Variants in MROH1 observed in about 807,000 individuals in gnomAD.
MROH1 encodes the protein maestro heat like repeat family member 1.
MROH1 carries 117 observed loss-of-function variants against 116.5 expected under a neutral mutation model. The observed-to-expected ratio is 1.00, with a 90% CI of 0.86 to 1.17. MROH1 has a LOEUF of 1.17. Among genes scored for constraint, MROH1 ranks in the 50% most tolerant of loss-of-function variants. The pLI is 0.00. For synonymous variants in MROH1, 921 were observed against 583.9 expected (o/e 1.58, Z -8.32); for missense variants, 1,873 against 1,338.5 (o/e 1.40, Z -6.23).
intron 38 of MROH1, 51 bp downstream of exon 38, chr8:144,260,108 T>C (rs1422217199): frequency 5.4e-6 from 4 of 744,594 alleles, no homozygotes; most frequent in African/African-American, 1.7e-5. Context: ...GGTGGGGGGC[T>C]GTGCATGGAG....
intron 4 of MROH1, among the ~76,000 whole-genome samples, chr8:144,171,023 T>TG (rs1184475306): frequency 6.6e-6 from 1 of 152,170 alleles, no homozygotes; most frequent in South Asian, 2.1e-4. Context: ...TGTGACCAAA[T>TG]GGGGGGGATT....
At chr8:144,229,895 G>T (rs527260746) in intron 14 of MROH1, among the ~76,000 whole-genome samples, 9 of 152,090 alleles carry the variant, frequency 5.9e-5, no homozygotes, top group East Asian at 1.9e-4. Flanking sequence ...TTAGCTAAGC[G>T]TGGTGGACCA....
chr8:144,181,831 C>T (rs913067315), intron 7 of MROH1, among the ~76,000 whole-genome samples: 2 of 152,114 alleles, frequency 1.3e-5, no homozygotes, highest in East Asian at 3.9e-4. Context: ...GCACGCACAT[C>T]GCCCCTTCCC....
chr8:144,231,994 G>A (rs924980341), intron 14 of MROH1, among the ~76,000 whole-genome samples: 10 of 151,940 alleles, frequency 6.6e-5, no homozygotes, highest in Non-Finnish European at 1.2e-4. Context: ...AACTGGGATA[G>A]CCACCACCTT....
Position 144,247,541 on chromosome 8 carries a change from G to A in MROH1, c.3008-26G>A, listed in dbSNP as rs1311268381. Reference sequence around the variant, plus strand: ...GGATCGCCAGGGAGGGCCTGGGCCCGACTGCTCATTCCTGCCGCCTCTCAG... The same window carrying A: ...GGATCGCCAGGGAGGGCCTGGGCCCAACTGCTCATTCCTGCCGCCTCTCAG... On this transcript the variant is annotated intron_variant, in intron 30 of 43. Transcript: ENST00000326134. 2.2e-5 allele frequency: 17 copies of A among 765,450 alleles called. 1 individual carries two copies. The highest frequency in any genetic ancestry group is 6.9e-5 in the South Asian group (5 of 72,136). The allele number at this position is 765,450 out of a possible 1,614,324, so 47.4% of individuals were successfully genotyped here.
At chr8:144,202,822 C>G (rs868822372) in intron 12 of MROH1, among the ~76,000 whole-genome samples, 2 of 420 alleles carry the variant, frequency 4.8e-3, no homozygotes, top group African/African-American at 0.013. Context: ...TGTGGAGGGG[C>G]GGGGGGGGGC....
intron 22 of MROH1, 193 bp from the exon 23 acceptor site, chr8:144,242,176 C>A: frequency 1.5e-6 from 1 of 673,136 alleles, no homozygotes; most frequent in South Asian, 1.7e-5. Context: ...TGCCTGTGCT[C>A]CTGCCCCTTG....
chr8:144,149,082 T>G (rs1816111563), intron 1 of MROH1, among the ~76,000 whole-genome samples: 2 of 151,914 alleles, frequency 1.3e-5, no homozygotes, highest in Non-Finnish European at 2.9e-5. Flanking sequence ...TGGGTCTCAG[T>G]GCGATGACCA....
intron 1 of MROH1, among the ~76,000 whole-genome samples, chr8:144,150,709 C>T (rs1816513907): frequency 6.6e-6 from 1 of 152,172 alleles, no homozygotes; most frequent in Admixed American, 6.5e-5. Context: ...CATGCCTGCT[C>T]ATGGCTTACT....
intron 10 of MROH1, among the ~76,000 whole-genome samples, chr8:144,197,864 A>T (rs1173780053): frequency 6.6e-6 from 1 of 150,412 alleles, no homozygotes; most frequent in East Asian, 2.0e-4. Context: ...ACCTGAGGTC[A>T]GGAGTTAGAG....
intron 10 of MROH1, among the ~76,000 whole-genome samples, chr8:144,196,375 G>T (rs914421014): frequency 6.6e-6 from 1 of 151,172 alleles, no homozygotes; most frequent in Non-Finnish European, 1.5e-5. Context: ...TTATTATTGA[G>T]ACAGAGTCTT....
At position 144,229,380 on chromosome 8, in the gene MROH1, A is replaced by AT. The variant is rs60877043; in HGVS notation, c.1338+6171dup. Among the ~76,000 whole-genome samples, 442 of 108,874 alleles carry AT rather than the reference A, an allele frequency of 4.1e-3. 7 individuals are homozygous for AT. Among genetic ancestry groups the AT allele is most frequent in the African/African-American group, 0.013 (393 of 31,046 alleles). 71.4% of individuals were successfully genotyped at this position (108,874 alleles called of 152,430 possible). The stretch of plus-strand genomic sequence containing the variant: ...CAGCAATCGATTAATTACCTTATGA[A>AT]TTTTTTTTTTTTTTTTTTTTTGGAA... On this transcript the variant is annotated intron_variant, in intron 14 of 43. Transcript: ENST00000326134.
At chr8:144,218,729 C>G (rs1280382052) in intron 12 of MROH1, among the ~76,000 whole-genome samples, 1 of 65,868 alleles carries the variant, frequency 1.5e-5, no homozygotes. Flanking sequence ...CTCCCCTCCC[C>G]TCTTCCCTCC....
intron 31 of MROH1, among the ~76,000 whole-genome samples, 191 bp downstream of exon 31, chr8:144,247,870 C>T (rs2133089298): frequency 6.6e-6 from 1 of 152,382 alleles, no homozygotes; most frequent in South Asian, 2.1e-4. Context: ...CCACACCCGC[C>T]TACGCTGGGG....
intron 14 of MROH1, among the ~76,000 whole-genome samples, chr8:144,224,034 TG>T (rs1837325974): frequency 6.6e-6 from 1 of 152,138 alleles, no homozygotes; most frequent in South Asian, 2.1e-4. Flanking sequence ...CCCCAGCAGG[TG>T]GGCCGCCACC....
intron 32 of MROH1, among the ~76,000 whole-genome samples, chr8:144,249,986 C>T (rs912347164): frequency 2.9e-4 from 44 of 152,234 alleles, no homozygotes; most frequent in African/African-American, 1.0e-3. Context: ...CCTCCCGGGG[C>T]ACTGGCCACT....
chr8:144,154,663 A>AT (rs1817616980), intron 1 of MROH1, among the ~76,000 whole-genome samples: 1 of 145,476 alleles, frequency 6.9e-6, no homozygotes, highest in Non-Finnish European at 1.5e-5. Flanking sequence ...TCAATACTGC[A>AT]TCTTTTTTTT....
chr8:144,248,799 CCT>C lies in MROH1; in HGVS notation c.3121-77_3121-76del, dbSNP rs1394574061. ...GTGGCTTCCCGCCCTAACGCGAGCC[CCT>C]GAGACCCGATGCCTAACAGAAGTGG... is the stretch of plus-strand genomic sequence containing the variant. On this transcript the variant is annotated intron_variant, in intron 31 of 43. Coordinates refer to ENST00000326134, the MANE Select transcript of MROH1 (RefSeq NM_032450.3). 12 of 736,020 alleles carry C rather than the reference CCT, an allele frequency of 1.6e-5. No individual in the cohort carries two copies. In the East Asian group the frequency reaches 2.1e-4, roughly 13 times the overall value. 45.6% of individuals were successfully genotyped at this position (736,020 alleles called of 1,614,324 possible). A position where few individuals can be genotyped will look rare whatever the true frequency, so the allele number is the denominator to read the frequency against.
intron 4 of MROH1, among the ~76,000 whole-genome samples, chr8:144,177,679 C>T (rs1587915699): frequency 6.6e-6 from 1 of 152,118 alleles, no homozygotes; most frequent in East Asian, 1.9e-4. Flanking sequence ...GGAGGTGGGG[C>T]CTGGTGGGAG....
Sources: gnomAD v4.1 joint callset for allele counts (sites outside exome capture counted in the v4.1 genomes callset) on GRCh38, gnomAD v4.1.1 for gene constraint, MANE v1.5 for transcripts, NCBI Gene and HGNC (gene_info 2026-07-23, HGNC 2026-07-21) for gene names.